TMEM178B: variants seen among roughly 807,000 people sequenced by gnomAD.
TMEM178B encodes the protein transmembrane protein 178B.
TMEM178B carries 5 observed loss-of-function variants against 31.0 expected under a neutral mutation model. The ratio of observed to expected loss-of-function variants is 0.16; its 90% CI spans 0.08 to 0.34. TMEM178B has a LOEUF of 0.34. Among genes scored for constraint, TMEM178B ranks in the 10% least tolerant of loss-of-function variants. TMEM178B has a pLI of 1.00. For synonymous variants in TMEM178B, 164 were observed against 164.0 expected, an observed-to-expected ratio of 1.00 and a Z score of 0.00; for missense variants, 275 against 400.3, an observed-to-expected ratio of 0.69 and a Z score of 2.67.
intron 1 of TMEM178B, among the ~76,000 whole-genome samples, chr7:141,085,959 C>G (rs1472179694): frequency 6.6e-6 from 1 of 151,976 alleles, no homozygotes; most frequent in African/African-American, 2.4e-5. Flanking sequence ...TGTAAATGTT[C>G]ATTAATAAGA....
chr7:141,323,284 T>A (rs2116477491), intron 2 of TMEM178B, among the ~76,000 whole-genome samples: 1 of 152,334 alleles, frequency 6.6e-6, no homozygotes, highest in South Asian at 2.1e-4. Flanking sequence ...GATTTGCCTC[T>A]CTCTTTTTCT....
intron 3 of TMEM178B, among the ~76,000 whole-genome samples, chr7:141,446,274 A>T (rs1351327831): frequency 6.6e-6 from 1 of 152,178 alleles, no homozygotes; most frequent in Non-Finnish European, 1.5e-5. Context: ...TGGGGTTCAG[A>T]AGAGAACAGG....
chr7:141,104,556 T>C (rs1036358998), intron 1 of TMEM178B, among the ~76,000 whole-genome samples: 23 of 152,250 alleles, frequency 1.5e-4, no homozygotes, highest in African/African-American at 5.5e-4. Context: ...TTCTACTCTC[T>C]CGCTCATTGA....
At chr7:141,223,086 C>G (rs551912246) in intron 2 of TMEM178B, among the ~76,000 whole-genome samples, 4 of 152,292 alleles carry the variant, frequency 2.6e-5, no homozygotes, top group African/African-American at 7.2e-5. Flanking sequence ...ACTCGCCTGT[C>G]TAGCCCGGCC....
At chr7:141,210,887 C>T (rs6464423) in intron 1 of TMEM178B, among the ~76,000 whole-genome samples, 100,510 of 151,936 alleles carry the variant, frequency 0.66, 33,684 homozygotes, top group Middle Eastern at 0.7. Context: ...ATTTCTGAAG[C>T]AGACCTGCAG....
chr7:141,304,983 C>A (rs1478330472), intron 2 of TMEM178B, among the ~76,000 whole-genome samples: 1 of 152,214 alleles, frequency 6.6e-6, no homozygotes, highest in Non-Finnish European at 1.5e-5. Flanking sequence ...ACTTTTTCAA[C>A]AGACAAGCAG....
chr7:141,361,066 CA>C (rs1348300308), intron 2 of TMEM178B, among the ~76,000 whole-genome samples: 7 of 152,142 alleles, frequency 4.6e-5, no homozygotes, highest in South Asian at 4.2e-4. Context: ...AGCATTAAGC[CA>C]GGAAAGGTAG....
chr7:141,342,813 T>C (rs930389480), intron 2 of TMEM178B, among the ~76,000 whole-genome samples: 14 of 152,208 alleles, frequency 9.2e-5, no homozygotes, highest in African/African-American at 3.4e-4. Flanking sequence ...TCAGTTTCTC[T>C]CAGCTTGATT....
chr7:141,307,006 C>T (rs893881398), intron 2 of TMEM178B, among the ~76,000 whole-genome samples: 3 of 152,118 alleles, frequency 2.0e-5, no homozygotes, highest in African/African-American at 7.2e-5. Context: ...GGCTTTGTCT[C>T]CCAAATGGAT....
the TMEM178B span, among the ~76,000 whole-genome samples, chr7:141,495,294 C>T: frequency 1.3e-5 from 2 of 152,204 alleles, no homozygotes; most frequent in Admixed American, 6.5e-5. Context: ...TGCCCAGATT[C>T]TGACAGATGT....
chr7:141,335,532 C>A (rs1267012058), intron 2 of TMEM178B, among the ~76,000 whole-genome samples: 1 of 152,190 alleles, frequency 6.6e-6, no homozygotes, highest in Non-Finnish European at 1.5e-5. Context: ...CCCAAGGCAA[C>A]AGCTGAGAGG....
intron 1 of TMEM178B, among the ~76,000 whole-genome samples, chr7:141,163,220 C>A (rs933605547): frequency 6.6e-6 from 1 of 152,168 alleles, no homozygotes; most frequent in African/African-American, 2.4e-5. Flanking sequence ...CTACCAGAAC[C>A]AGCAAGCTAG....
At chr7:141,409,314 A>C (rs1800939991) in intron 2 of TMEM178B, among the ~76,000 whole-genome samples, 1 of 152,180 alleles carries the variant, frequency 6.6e-6, no homozygotes, top group Non-Finnish European at 1.5e-5. Flanking sequence ...GACTCTTGCT[A>C]ACTGCATTTT....
In TMEM178B at chr7:141,130,082, C is replaced by T. The variant is rs116972779; in HGVS notation, c.382+55390C>T. Among the ~76,000 whole-genome samples the T allele has an allele frequency of 5.4e-3, 820 of 152,202 alleles. 4 individuals carry two copies. Among genetic ancestry groups the T allele is most frequent in the South Asian group, 0.011 (54 of 4,816 alleles). On this transcript the variant is annotated intron_variant, in intron 1 of 3. Transcript: ENST00000565468. ...ATATCTTTAAAAGGTGCTAGACTCT[C>T]AGTTAATCTCTTCAGGATTTGGAGG... is the stretch of plus-strand genomic sequence containing the variant.
intron 1 of TMEM178B, among the ~76,000 whole-genome samples, chr7:141,210,934 G>A (rs761033732): frequency 2.5e-4 from 38 of 152,150 alleles, no homozygotes; most frequent in Admixed American, 1.2e-3. Flanking sequence ...AAGGCAGGGC[G>A]CCCTTGAGGA....
At chr7:141,237,519 A>G (rs1051142432) in intron 2 of TMEM178B, among the ~76,000 whole-genome samples, 2 of 152,272 alleles carry the variant, frequency 1.3e-5, no homozygotes, top group African/African-American at 2.4e-5. Flanking sequence ...GCTTCTAGCT[A>G]GAATGTTACA....
chr7:141,201,695 C>T (rs775033950), intron 1 of TMEM178B, among the ~76,000 whole-genome samples: 3 of 152,116 alleles, frequency 2.0e-5, no homozygotes, highest in South Asian at 2.1e-4. Flanking sequence ...AGACTTAAGA[C>T]GTCAGATGCG....
At chr7:141,426,052 T>C (rs1483721644) in intron 2 of TMEM178B, among the ~76,000 whole-genome samples, 1 of 152,250 alleles carries the variant, frequency 6.6e-6, no homozygotes, top group Non-Finnish European at 1.5e-5. Context: ...ATGTTTTCAT[T>C]GTAGACAATA....
intron 2 of TMEM178B, among the ~76,000 whole-genome samples, chr7:141,250,465 G>A (rs1039781495): frequency 4.6e-5 from 7 of 152,278 alleles, no homozygotes; most frequent in South Asian, 2.1e-4. Flanking sequence ...TGTCCTCTCC[G>A]TGTAATTGGG....
Sources: allele counts gnomAD v4.1 joint callset (sites outside exome capture counted in the v4.1 genomes callset), GRCh38; gene constraint gnomAD v4.1.1; transcripts MANE v1.5; gene names NCBI Gene and HGNC (gene_info 2026-07-23, HGNC 2026-07-21).